Variants in NXPH1 observed in about 807,000 individuals in gnomAD.
The protein encoded by NXPH1 is neurexophilin 1.
Under a neutral mutation model 23.7 loss-of-function variants are expected in NXPH1, and 5 were observed. The ratio of observed to expected loss-of-function variants is 0.21; its 90% CI spans 0.11 to 0.44. NXPH1 has a LOEUF of 0.44. Among genes scored for constraint, NXPH1 ranks in the 20% least tolerant of loss-of-function variants. The pLI is 0.99. For synonymous variants in NXPH1, 144 were observed against 122.2 expected (o/e 1.18, Z -1.18); for missense variants, 324 against 321.6 (o/e 1.01, Z -0.06).
chr7:8,636,772 T>G (rs2349498), intron 2 of NXPH1, among the ~76,000 whole-genome samples: 41,821 of 152,154 alleles, frequency 0.27, 6,214 homozygotes, highest in African/African-American at 0.35. Context: ...TCCTACAAAT[T>G]ACCTGTTTGG....
intron 2 of NXPH1, among the ~76,000 whole-genome samples, chr7:8,586,626 A>AATATATATATATAT (rs201601131): frequency 8.1e-5 from 12 of 147,428 alleles, no homozygotes; most frequent in African/African-American, 2.7e-4. Context: ...GAGAATAATG[A>AATATATATATATAT]ATATATATAT....
chr7:8,701,934 TATTTA>T (rs1779629451), intron 2 of NXPH1, among the ~76,000 whole-genome samples: 1 of 152,058 alleles, frequency 6.6e-6, no homozygotes, highest in Non-Finnish European at 1.5e-5. Context: ...CAGTCTTCCT[TATTTA>T]ATTCTGTGGT....
chr7:8,655,771 T>C (rs1820572558), intron 2 of NXPH1, among the ~76,000 whole-genome samples: 1 of 152,196 alleles, frequency 6.6e-6, no homozygotes, highest in East Asian at 1.9e-4. Flanking sequence ...TTTCAGACTC[T>C]TGCCTTTGCC....
intron 2 of NXPH1, among the ~76,000 whole-genome samples, chr7:8,582,940 C>T (rs778432173): frequency 1.6e-4 from 24 of 152,322 alleles, no homozygotes; most frequent in South Asian, 2.1e-4. Flanking sequence ...TGCAGGCCCA[C>T]GCCAAGCCAC....
chr7:8,517,963 TC>T lies in NXPH1; in HGVS notation c.54+82198del, dbSNP rs1280381753. On this transcript the variant is annotated intron_variant, in intron 2 of 2. Coordinates refer to ENST00000405863, the MANE Select transcript of NXPH1 (RefSeq NM_152745.3). The stretch of plus-strand genomic sequence containing the variant: ...GCTTGATGTCCTGAAGCAGTTTCTT[TC>T]CACCACTGCAATATTCATCAAACAT... Among the ~76,000 whole-genome samples the T allele has an allele frequency of 9.2e-5, 14 of 152,242 alleles. No homozygotes were observed. The East Asian group carries it at 2.7e-3, about 29-fold the overall frequency.
intron 2 of NXPH1, among the ~76,000 whole-genome samples, chr7:8,559,095 G>T (rs956723155): frequency 6.6e-6 from 1 of 151,498 alleles, no homozygotes; most frequent in Non-Finnish European, 1.5e-5. Flanking sequence ...CTGCTGAGTA[G>T]CTGGGACTAT....
At chr7:8,459,926 G>A (rs776002083) in intron 2 of NXPH1, among the ~76,000 whole-genome samples, 33 of 152,250 alleles carry the variant, frequency 2.2e-4, no homozygotes, top group Non-Finnish European at 2.8e-4. Context: ...TATGAAACAT[G>A]GGTGCTTAGC....
intron 2 of NXPH1, among the ~76,000 whole-genome samples, chr7:8,566,147 C>T (rs57295805): frequency 0.17 from 26,318 of 151,732 alleles, 3,813 homozygotes; most frequent in African/African-American, 0.4. Context: ...GAGTCTCTCA[C>T]AGAGGCTCGA....
At chr7:8,715,517 C>G (rs987770752) in intron 2 of NXPH1, among the ~76,000 whole-genome samples, 3 of 152,102 alleles carry the variant, frequency 2.0e-5, no homozygotes, top group African/African-American at 7.2e-5. Context: ...CTCTACTTCC[C>G]CAGAATCTGA....
intron 2 of NXPH1, among the ~76,000 whole-genome samples, chr7:8,456,337 C>T (rs745570676): frequency 6.6e-6 from 1 of 152,134 alleles, no homozygotes; most frequent in Non-Finnish European, 1.5e-5. Context: ...ATAATGAATG[C>T]ATATTATAAT....
intron 2 of NXPH1, among the ~76,000 whole-genome samples, chr7:8,496,514 C>A (rs1321691325): frequency 6.6e-6 from 1 of 152,006 alleles, no homozygotes; most frequent in Non-Finnish European, 1.5e-5. Context: ...GCCTTGAGAC[C>A]TGCCCAAGTC....
intron 2 of NXPH1, among the ~76,000 whole-genome samples, chr7:8,670,059 A>T (rs1820843396): frequency 6.6e-6 from 1 of 152,180 alleles, no homozygotes; most frequent in Non-Finnish European, 1.5e-5. Context: ...AAGTATTGGA[A>T]TTGCTCTCTT....
intron 2 of NXPH1, among the ~76,000 whole-genome samples, chr7:8,620,572 G>C (rs1010627990): frequency 5.9e-5 from 9 of 152,174 alleles, no homozygotes; most frequent in Non-Finnish European, 1.3e-4. Flanking sequence ...GCTGCCACCA[G>C]CCTGACTCCT....
At chr7:8,533,904 G>C (rs982247143) in intron 2 of NXPH1, among the ~76,000 whole-genome samples, 10 of 152,230 alleles carry the variant, frequency 6.6e-5, no homozygotes, top group African/African-American at 2.2e-4. Flanking sequence ...AGCTCTGTTA[G>C]AAGTATGCCT....
intron 2 of NXPH1, among the ~76,000 whole-genome samples, chr7:8,540,088 A>G (rs945495803): frequency 6.6e-6 from 1 of 151,876 alleles, no homozygotes; most frequent in African/African-American, 2.4e-5. Flanking sequence ...TAGCAGATTT[A>G]TTAGCAGATC....
rs111999540 is a variant in NXPH1, at chr7:8,644,242, G to A, written c.55-106766G>A. Among the ~76,000 whole-genome samples the A allele has an allele frequency of 2.3e-3, 356 of 152,250 alleles. 3 individuals are homozygous for A. The highest frequency in any genetic ancestry group is 7.9e-3 in the African/African-American group (330 of 41,550). ...AATGTCAGTGTTCCTAGATGTTTTG[G>A]TTTTGGTCTGGGAGAAGGAGGGCCA... On this transcript the variant is annotated intron_variant, in intron 2 of 2. Coordinates refer to ENST00000405863, the MANE Select transcript of NXPH1 (RefSeq NM_152745.3).
intron 2 of NXPH1, among the ~76,000 whole-genome samples, chr7:8,643,448 T>G (rs77768551): frequency 0.035 from 5,314 of 152,264 alleles, 295 homozygotes; most frequent in East Asian, 0.17. Flanking sequence ...AAGTTACCTT[T>G]TAAGTGCTTT....
At chr7:8,667,575 T>G (rs986181528) in intron 2 of NXPH1, among the ~76,000 whole-genome samples, 5 of 152,056 alleles carry the variant, frequency 3.3e-5, no homozygotes, top group African/African-American at 1.2e-4. Flanking sequence ...GGAACTCTCA[T>G]ATATGTGATT....
chr7:8,482,317 A>T (rs893840886), intron 2 of NXPH1, among the ~76,000 whole-genome samples: 2 of 152,054 alleles, frequency 1.3e-5, no homozygotes, highest in Non-Finnish European at 2.9e-5. Flanking sequence ...GGGTGGCTTC[A>T]TTTCCCTTTC....
Sources: allele counts gnomAD v4.1 joint callset (sites outside exome capture counted in the v4.1 genomes callset), GRCh38; gene constraint gnomAD v4.1.1; transcripts MANE v1.5; gene names NCBI Gene and HGNC (gene_info 2026-07-23, HGNC 2026-07-21).